The following GRM7 variants were observed in gnomAD, a reference collection of about 807,000 sequenced individuals.
GRM7 encodes the protein glutamate metabotropic receptor 7, also known as metabotropic glutamate receptor 7.
GRM7 carries 35 observed loss-of-function variants against 84.5 expected under a neutral mutation model. The ratio of observed to expected loss-of-function variants is 0.41; its 90% CI spans 0.32 to 0.55. GRM7 has a LOEUF of 0.55. Among genes scored for constraint, GRM7 ranks in the 20% least tolerant of loss-of-function variants. GRM7 has a pLI of 0.19. For synonymous variants in GRM7, 487 were observed against 455.1 expected (o/e 1.07, Z -0.89); for missense variants, 1,003 against 1,194.6 (o/e 0.84, Z 2.36).
chr3:7,202,839 A>G (rs1696111206), intron 2 of GRM7, among the ~76,000 whole-genome samples: 1 of 152,186 alleles, frequency 6.6e-6, no homozygotes, highest in Non-Finnish European at 1.5e-5. Flanking sequence ...CTCTACTTTC[A>G]CAATCTGGAC....
chr3:7,698,908 A>C (rs1029448849), intron 9 of GRM7, among the ~76,000 whole-genome samples: 4 of 152,214 alleles, frequency 2.6e-5, no homozygotes, highest in African/African-American at 9.6e-5. Context: ...AATGTACTCT[A>C]TATAGAGAAA....
At chr3:7,666,838 A>C (rs1054841057) in intron 8 of GRM7, among the ~76,000 whole-genome samples, 2 of 152,194 alleles carry the variant, frequency 1.3e-5, no homozygotes, top group Admixed American at 1.3e-4. Context: ...CCTGATACGA[A>C]GTATAAAAAG....
chr3:6,884,014 A>G (rs970160343), intron 1 of GRM7, among the ~76,000 whole-genome samples: 4 of 152,204 alleles, frequency 2.6e-5, no homozygotes, highest in Non-Finnish European at 4.4e-5. Context: ...AATATAAGTT[A>G]TATTGATGAC....
Position 6,980,967 on chromosome 3 carries a change from C to T in GRM7, c.519+119060C>T, listed in dbSNP as rs116605326. 8.2e-3 allele frequency among the ~76,000 whole-genome samples: 1,255 copies of T among 152,138 alleles called. 17 individuals carry two copies. The highest frequency in any genetic ancestry group is 0.029 in the African/African-American group (1,194 of 41,510). Reference sequence around the variant, plus strand: ...CTAAACTAGAAGGGATGTTTTTTTCCCAGTGCAAAGTCTTGAAGGAACTAA... The same window carrying T: ...CTAAACTAGAAGGGATGTTTTTTTCTCAGTGCAAAGTCTTGAAGGAACTAA... On this transcript the variant is annotated intron_variant, in intron 1 of 9. Coordinates refer to ENST00000357716, the MANE Select transcript of GRM7 (RefSeq NM_000844.4).
intron 1 of GRM7, among the ~76,000 whole-genome samples, chr3:6,913,460 G>T (rs1174923367): frequency 6.6e-6 from 1 of 152,148 alleles, no homozygotes; most frequent in African/African-American, 2.4e-5. Flanking sequence ...TGTGAATAAT[G>T]AACACTTGGA....
At chr3:7,425,065 T>C (rs1291834518) in intron 5 of GRM7, among the ~76,000 whole-genome samples, 2 of 152,200 alleles carry the variant, frequency 1.3e-5, no homozygotes, top group African/African-American at 2.4e-5. Context: ...CTTGGAAAAC[T>C]GAACACAAAT....
chr3:7,466,319 A>G (rs1026601738), intron 7 of GRM7, among the ~76,000 whole-genome samples: 6 of 152,194 alleles, frequency 3.9e-5, no homozygotes, highest in Non-Finnish European at 7.3e-5. Flanking sequence ...ACTGGTTTAG[A>G]GACACCCACC....
chr3:7,230,403 C>T (rs1697155318), intron 2 of GRM7, among the ~76,000 whole-genome samples: 2 of 152,122 alleles, frequency 1.3e-5, no homozygotes, highest in Admixed American at 6.5e-5. Context: ...AAGGTGTCAT[C>T]TGTCAATAGC....
chr3:7,687,368 G>C (rs329045), intron 9 of GRM7, among the ~76,000 whole-genome samples: 151,890 of 152,314 alleles, frequency 1, 75,734 homozygotes, highest in Middle Eastern at 1. Context: ...TTATCATCAC[G>C]CTGTTTCAGC....
chr3:7,133,349 C>T lies in GRM7; in HGVS notation c.520-13103C>T, dbSNP rs183850170. 2.0e-5 allele frequency among the ~76,000 whole-genome samples: 3 copies of T among 152,344 alleles called. No individual in the cohort carries two copies. In the East Asian group the frequency reaches 5.8e-4, roughly 29 times the overall value. The stretch of plus-strand genomic sequence containing the variant: ...CCCCAACTGTGACAATGTTCCTCCA[C>T]CCCCAATACCACGCACACATGAGGT... On this transcript the variant is annotated intron_variant, in intron 1 of 9. Transcript: ENST00000357716.
intron 9 of GRM7, among the ~76,000 whole-genome samples, chr3:7,694,704 C>T (rs1205767083): frequency 6.6e-6 from 1 of 152,136 alleles, no homozygotes; most frequent in Non-Finnish European, 1.5e-5. Flanking sequence ...GGCATAAATA[C>T]ATTCAACATT....
In GRM7 at chr3:7,532,309, G is replaced by T. The variant is rs368334540; in HGVS notation, c.1516-46113G>T. ...TGCCTCAATTTCAGAACTTGTTATTGGTCTATTCAGGGATTCAACTTCTTC... is the reference window on the plus strand; with the variant it reads ...TGCCTCAATTTCAGAACTTGTTATTTGTCTATTCAGGGATTCAACTTCTTC... On this transcript the variant is annotated intron_variant, in intron 7 of 9. Transcript: ENST00000357716. Among the ~76,000 whole-genome samples the T allele has an allele frequency of 6.2e-4, 94 of 152,212 alleles. 1 individual carries two copies. The highest frequency in any genetic ancestry group is 2.2e-3 in the African/African-American group (90 of 41,524).
chr3:7,207,898 C>A (rs1696291010), intron 2 of GRM7, among the ~76,000 whole-genome samples: 1 of 152,110 alleles, frequency 6.6e-6, no homozygotes, highest in African/African-American at 2.4e-5. Flanking sequence ...GTAATTATAA[C>A]CGTGAAAGTG....
intron 2 of GRM7, among the ~76,000 whole-genome samples, chr3:7,163,796 T>G (rs1286099228): frequency 3.3e-5 from 5 of 152,224 alleles, no homozygotes; most frequent in Non-Finnish European, 7.3e-5. Context: ...CTTGTTACTT[T>G]CAAAGAAAGT....
chr3:7,647,339 T>G (rs1698694438), intron 8 of GRM7, among the ~76,000 whole-genome samples: 1 of 152,196 alleles, frequency 6.6e-6, no homozygotes. Context: ...GCTTTCTTTT[T>G]TGCTGTAGCC....
At chr3:7,461,007 G>A (rs2124907117) in intron 6 of GRM7, among the ~76,000 whole-genome samples, 1 of 152,282 alleles carries the variant, frequency 6.6e-6, no homozygotes, top group East Asian at 1.9e-4. Flanking sequence ...CTGAATACCT[G>A]ACAAATACAC....
At chr3:7,372,552 A>G (rs1446502714) in intron 4 of GRM7, among the ~76,000 whole-genome samples, 4 of 152,096 alleles carry the variant, frequency 2.6e-5, no homozygotes, top group Non-Finnish European at 5.9e-5. Context: ...ATTCACTTTG[A>G]CCACAGTTTA....
chr3:7,663,032 G>T (rs1467992982), intron 8 of GRM7, among the ~76,000 whole-genome samples: 1 of 152,146 alleles, frequency 6.6e-6, no homozygotes, highest in Non-Finnish European at 1.5e-5. Context: ...TGGAAGAGGA[G>T]TTATAGAATA....
intron 7 of GRM7, among the ~76,000 whole-genome samples, chr3:7,544,510 G>A (rs1470735789): frequency 6.6e-6 from 1 of 152,120 alleles, no homozygotes; most frequent in East Asian, 1.9e-4. Flanking sequence ...CTTACTGGAT[G>A]GGAGATCCTG....
Sources: gnomAD v4.1 joint callset for allele counts (sites outside exome capture counted in the v4.1 genomes callset) on GRCh38, gnomAD v4.1.1 for gene constraint, MANE v1.5 for transcripts, NCBI Gene and HGNC (gene_info 2026-07-23, HGNC 2026-07-21) for gene names.